The following ELMO1 variants were observed in gnomAD, a reference collection of about 807,000 sequenced individuals.
ELMO1 encodes engulfment and cell motility protein 1.
ELMO1 carries 26 observed loss-of-function variants against 98.9 expected under a neutral mutation model. That is an observed-to-expected ratio of 0.26 (90% confidence interval 0.19 to 0.36). The LOEUF (loss-of-function observed/expected upper bound fraction) is 0.36. Among genes scored for constraint, ELMO1 ranks in the 10% least tolerant of loss-of-function variants. The probability of loss-of-function intolerance (pLI) is 1.00; values close to 1 mark genes in which losing one functional copy is unlikely to be tolerated. For synonymous variants in ELMO1, 346 were observed against 346.0 expected, an observed-to-expected ratio of 1.00 and a Z score of 0.00; for missense variants, 627 against 935.2, an observed-to-expected ratio of 0.67 and a Z score of 4.30.
intron 1 of ELMO1, among the ~76,000 whole-genome samples, chr7:37,345,671 C>A (rs1289912038): frequency 1.3e-5 from 2 of 151,904 alleles, no homozygotes; most frequent in East Asian, 1.9e-4. Flanking sequence ...CGCACCACTG[C>A]ACACCAGCGT....
At chr7:37,279,945 C>A (rs536347514) in intron 4 of ELMO1, among the ~76,000 whole-genome samples, 6 of 152,168 alleles carry the variant, frequency 3.9e-5, no homozygotes, top group Non-Finnish European at 7.4e-5. Context: ...TACCTGATTT[C>A]AAACTATACT....
intron 13 of ELMO1, among the ~76,000 whole-genome samples, chr7:37,205,210 G>T (rs1563076261): frequency 6.6e-6 from 1 of 152,170 alleles, no homozygotes; most frequent in Non-Finnish European, 1.5e-5. Context: ...AAGTATAGTA[G>T]ACTCTTCTTA....
intron 16 of ELMO1, among the ~76,000 whole-genome samples, chr7:36,992,006 C>T (rs1791910768): frequency 6.6e-6 from 1 of 152,206 alleles, no homozygotes; most frequent in African/African-American, 2.4e-5. Flanking sequence ...GCAGCTGGAG[C>T]AGGTGGGATT....
chr7:37,302,538 C>T (rs553558951), intron 4 of ELMO1, among the ~76,000 whole-genome samples: 2 of 152,150 alleles, frequency 1.3e-5, no homozygotes, highest in African/African-American at 4.8e-5. Flanking sequence ...CTCAAGTTTA[C>T]CATCCCAACT....
intron 1 of ELMO1, among the ~76,000 whole-genome samples, chr7:37,390,754 C>T (rs1377624646): frequency 6.6e-6 from 1 of 152,182 alleles, no homozygotes; most frequent in African/African-American, 2.4e-5. Context: ...CTTACCACCC[C>T]CCAGCCCCCA....
intron 15 of ELMO1, among the ~76,000 whole-genome samples, chr7:37,042,562 G>C (rs1795580324): frequency 6.6e-6 from 1 of 152,144 alleles, no homozygotes. Flanking sequence ...TTCCAGGTAG[G>C]GACTGGGAAT....
chr7:37,145,235 G>A (rs1787907874), intron 13 of ELMO1, among the ~76,000 whole-genome samples: 1 of 152,184 alleles, frequency 6.6e-6, no homozygotes, highest in African/African-American at 2.4e-5. Context: ...CTGGTAGAGA[G>A]GATAGCTCAT....
At chr7:37,321,851 A>C (rs1799526071) in intron 2 of ELMO1, among the ~76,000 whole-genome samples, 1 of 123,684 alleles carries the variant, frequency 8.1e-6, no homozygotes, top group Non-Finnish European at 1.6e-5. Context: ...ACTAAAAAGT[A>C]ACTCCCTTTT....
chr7:37,103,861 G>A (rs957032176), intron 14 of ELMO1, among the ~76,000 whole-genome samples: 8 of 148,704 alleles, frequency 5.4e-5, no homozygotes, highest in East Asian at 1.9e-4. Flanking sequence ...TATATTAGCC[G>A]GGCATGGTGG....
Position 36,855,527 on chromosome 7 carries a change from G to A in ELMO1, c.*24C>T, listed in dbSNP as rs958651939. On this transcript the variant is annotated 3_prime_UTR_variant, in exon 22 of 22. Coordinates refer to ENST00000310758, the MANE Select transcript of ELMO1 (RefSeq NM_014800.11). The surrounding 1 kb of genome is among the most constrained non-coding windows in gnomAD (Gnocchi z 4.2). ...TTAGCTAGGTGTTCCAGTTTTGGAA[G>A]GGGCATGTCTGGGCCCGGCCACTTC... The A allele has an allele frequency of 5.0e-6, 8 of 1,613,108 alleles. No homozygotes were observed. Among genetic ancestry groups the A allele is most frequent in the South Asian group, 3.3e-5 (3 of 91,036 alleles).
At chr7:37,295,220 GGA>G (rs902184532) in intron 4 of ELMO1, among the ~76,000 whole-genome samples, 8 of 152,166 alleles carry the variant, frequency 5.3e-5, no homozygotes, top group African/African-American at 1.4e-4. Flanking sequence ...AGGAATAGAA[GGA>G]GAGATAGAAA....
chr7:37,025,825 A>G (rs1177385368), intron 15 of ELMO1, among the ~76,000 whole-genome samples: 1 of 151,098 alleles, frequency 6.6e-6, no homozygotes, highest in Non-Finnish European at 1.5e-5. Flanking sequence ...ATACATATAT[A>G]TCATATATAT....
intron 2 of ELMO1, among the ~76,000 whole-genome samples, chr7:37,327,265 C>T (rs1562617306): frequency 6.6e-6 from 1 of 152,206 alleles, no homozygotes; most frequent in Non-Finnish European, 1.5e-5. Context: ...TTACCTTCAC[C>T]CATGTGAAAT....
chr7:36,854,422 T>TGGGA lies in ELMO1; in HGVS notation c.*1125_*1128dup, dbSNP rs1209858397. On this transcript the variant is annotated 3_prime_UTR_variant, in exon 22 of 22. Coordinates refer to ENST00000310758, the MANE Select transcript of ELMO1 (RefSeq NM_014800.11). Reference sequence around the variant, plus strand: ...GGAATGTTATTTTCAGGAAGATGTTTGGGATTAAAATAATTAAAAAAAAAC... The same window carrying TGGGA: ...GGAATGTTATTTTCAGGAAGATGTTTGGGAGGGATTAAAATAATTAAAAAAAAAC... 1 of 152,430 alleles carries TGGGA rather than the reference T, an allele frequency of 6.6e-6. No homozygotes were observed. Among genetic ancestry groups the TGGGA allele is most frequent in the African/African-American group, 2.4e-5 (1 of 41,344 alleles). The allele number at this position is 152,430 out of a possible 1,614,324, so 9.4% of individuals were successfully genotyped here. A position where few individuals can be genotyped will look rare whatever the true frequency, so the allele number is the denominator to read the frequency against.
At chr7:37,004,959 A>G (rs2129165837) in intron 16 of ELMO1, among the ~76,000 whole-genome samples, 1 of 152,030 alleles carries the variant, frequency 6.6e-6, no homozygotes, top group East Asian at 1.9e-4. Context: ...AAATACAAAA[A>G]TTAGCTGGGC....
intron 16 of ELMO1, chr7:36,986,419 C>T (rs148136641): frequency 2.3e-5 from 5 of 216,734 alleles, no homozygotes; most frequent in Admixed American, 2.0e-4. Context: ...AATATATCCC[C>T]CACTTTTTCT....
At chr7:36,965,992 G>A (rs1789396965) in intron 16 of ELMO1, among the ~76,000 whole-genome samples, 2 of 152,262 alleles carry the variant, frequency 1.3e-5, no homozygotes, top group South Asian at 4.1e-4. Flanking sequence ...AACTCTGAAG[G>A]AAAAATGAAT....
chr7:37,074,980 C>T (rs1371039929), intron 15 of ELMO1, among the ~76,000 whole-genome samples: 1 of 152,064 alleles, frequency 6.6e-6, no homozygotes, highest in Non-Finnish European at 1.5e-5. Flanking sequence ...TCTTATTAGT[C>T]GGAACCCTGA....
chr7:37,268,818 T>G (rs1006538838), intron 5 of ELMO1, among the ~76,000 whole-genome samples: 1 of 152,264 alleles, frequency 6.6e-6, no homozygotes, highest in African/African-American at 2.4e-5. Flanking sequence ...CAGAAGGGAC[T>G]GTTCTGTGAT....
Sources: gnomAD v4.1 joint callset for allele counts (sites outside exome capture counted in the v4.1 genomes callset) on GRCh38, gnomAD v4.1.1 for gene constraint, Gnocchi (gnomAD v3.1) non-coding constraint, MANE v1.5 for transcripts, NCBI Gene and HGNC (gene_info 2026-07-23, HGNC 2026-07-21) for gene names.